EXOC4: variants seen among roughly 807,000 people sequenced by gnomAD.
EXOC4 encodes exocyst complex component 4, also known as SEC8-like 1.
Under a neutral mutation model 107.2 loss-of-function variants are expected in EXOC4, and 71 were observed. The observed-to-expected ratio is 0.66, with a 90% CI of 0.55 to 0.81. The LOEUF is 0.81. EXOC4 is among the 30% of genes least tolerant of loss of function. EXOC4 has a pLI of 0.00. For missense variants in EXOC4, 1,108 were observed against 1,189.6 expected, an observed-to-expected ratio of 0.93 and a Z score of 1.01; for synonymous variants, 456 against 441.2, an observed-to-expected ratio of 1.03 and a Z score of -0.42.
chr7:133,653,844 G>C (rs940210833), intron 10 of EXOC4, among the ~76,000 whole-genome samples: 1 of 152,178 alleles, frequency 6.6e-6, no homozygotes, highest in Admixed American at 6.5e-5. Flanking sequence ...TACCTTTTAT[G>C]AGTACGAGAA....
chr7:133,364,754 A>T (rs1043298606), intron 6 of EXOC4, among the ~76,000 whole-genome samples: 1 of 152,190 alleles, frequency 6.6e-6, no homozygotes, highest in African/African-American at 2.4e-5. Flanking sequence ...GCCATCTGCC[A>T]TCTGGTATCT....
intron 9 of EXOC4, among the ~76,000 whole-genome samples, chr7:133,576,177 G>A (rs1399342828): frequency 6.6e-6 from 1 of 152,164 alleles, no homozygotes. Flanking sequence ...CCCCCGTTAT[G>A]TATTTTTTGG....
chr7:133,660,072 C>T (rs1328967632), intron 10 of EXOC4, among the ~76,000 whole-genome samples: 1 of 152,192 alleles, frequency 6.6e-6, no homozygotes, highest in Non-Finnish European at 1.5e-5. Flanking sequence ...TTCCCTTTCC[C>T]CATCCTGGGG....
intron 9 of EXOC4, among the ~76,000 whole-genome samples, chr7:133,579,060 C>G (rs748361771): frequency 9.2e-5 from 14 of 152,098 alleles, no homozygotes; most frequent in Admixed American, 1.3e-4. Flanking sequence ...GATGTCCTGT[C>G]AGAACTGAAA....
At chr7:133,953,753 G>A (rs1333786594) in intron 14 of EXOC4, among the ~76,000 whole-genome samples, 1 of 152,172 alleles carries the variant, frequency 6.6e-6, no homozygotes, top group African/African-American at 2.4e-5. Context: ...TTACTGTCTT[G>A]TTCTCTAGAT....
intron 4 of EXOC4, among the ~76,000 whole-genome samples, chr7:133,307,106 A>G (rs1430088905): frequency 6.6e-6 from 1 of 152,234 alleles, no homozygotes. Context: ...CAAGAAGAGC[A>G]CTGGAAGCAG....
chr7:133,567,636 T>C (rs1206470302), intron 9 of EXOC4, among the ~76,000 whole-genome samples: 1 of 152,154 alleles, frequency 6.6e-6, no homozygotes, highest in African/African-American at 2.4e-5. Context: ...TAACAGAATA[T>C]CATAGACTGG....
At chr7:133,739,575 T>C (rs1016080317) in intron 10 of EXOC4, among the ~76,000 whole-genome samples, 1 of 152,142 alleles carries the variant, frequency 6.6e-6, no homozygotes, top group African/African-American at 2.4e-5. Context: ...TCCAGGAAAG[T>C]TGGAGCAGCT....
At chr7:133,636,753 G>C (rs908482737) in intron 10 of EXOC4, among the ~76,000 whole-genome samples, 1 of 152,176 alleles carries the variant, frequency 6.6e-6, no homozygotes, top group African/African-American at 2.4e-5. Context: ...TCAGACATCA[G>C]TTAATGTCTT....
At chr7:133,864,956 G>A (rs1348631923) in intron 11 of EXOC4, among the ~76,000 whole-genome samples, 1 of 152,078 alleles carries the variant, frequency 6.6e-6, no homozygotes, top group Non-Finnish European at 1.5e-5. Flanking sequence ...ATTTAAGGTG[G>A]TTTCTAAGAT....
intron 14 of EXOC4, among the ~76,000 whole-genome samples, chr7:133,965,516 G>A (rs1801044674): frequency 6.6e-6 from 1 of 152,192 alleles, no homozygotes; most frequent in African/African-American, 2.4e-5. Flanking sequence ...TAAGGTGTAA[G>A]GAAGAGGTCC....
chr7:133,430,475 A>G (rs1039790817), intron 7 of EXOC4, among the ~76,000 whole-genome samples: 1 of 152,200 alleles, frequency 6.6e-6, no homozygotes. Flanking sequence ...GTCCATATCA[A>G]TAATATTCCA....
At chr7:134,059,319 A>G (rs1483990521) in intron 17 of EXOC4, among the ~76,000 whole-genome samples, 2 of 152,220 alleles carry the variant, frequency 1.3e-5, no homozygotes, top group Non-Finnish European at 2.9e-5. Context: ...CTTGGGAGGT[A>G]GAACCAGGGA....
intron 12 of EXOC4, among the ~76,000 whole-genome samples, chr7:133,907,012 C>G (rs1025984165): frequency 6.6e-6 from 1 of 152,188 alleles, no homozygotes; most frequent in African/African-American, 2.4e-5. Flanking sequence ...TTGCCACCAT[C>G]TTGGAAGCGG....
At chr7:134,075,077 A>G in the EXOC4 span, among the ~76,000 whole-genome samples, 1 of 152,254 alleles carries the variant, frequency 6.6e-6, no homozygotes, top group Non-Finnish European at 1.5e-5. Context: ...CAGTGCAGTC[A>G]TGAAAACTAG....
intron 9 of EXOC4, among the ~76,000 whole-genome samples, chr7:133,524,698 T>C (rs1412540118): frequency 1.3e-5 from 2 of 152,144 alleles, no homozygotes; most frequent in African/African-American, 4.8e-5. Flanking sequence ...AAATAGGGAA[T>C]CCTTTCCTCA....
intron 10 of EXOC4, among the ~76,000 whole-genome samples, chr7:133,682,197 C>T (rs1039593873): frequency 3.3e-5 from 5 of 152,172 alleles, no homozygotes; most frequent in African/African-American, 1.2e-4. Context: ...CATGCCCAGG[C>T]AGCTATTATC....
chr7:133,296,981 G>A (rs1185013525), intron 3 of EXOC4, among the ~76,000 whole-genome samples: 1 of 152,154 alleles, frequency 6.6e-6, no homozygotes, highest in African/African-American at 2.4e-5. Flanking sequence ...GGAACTATTG[G>A]TGTAGGGTAT....
At chr7:133,964,426 C>A (rs746920178) in intron 14 of EXOC4, among the ~76,000 whole-genome samples, 1 of 151,930 alleles carries the variant, frequency 6.6e-6, no homozygotes, top group African/African-American at 2.4e-5. Context: ...TTTGCTGCAC[C>A]CATCAACCGG....
Sources: gnomAD v4.1 joint callset for allele counts (sites outside exome capture counted in the v4.1 genomes callset) on GRCh38, gnomAD v4.1.1 for gene constraint, MANE v1.5 for transcripts, NCBI Gene and HGNC (gene_info 2026-07-23, HGNC 2026-07-21) for gene names.